The following AGBL4 variants were observed in gnomAD, a reference collection of about 807,000 sequenced individuals.
The protein encoded by AGBL4 is AGBL carboxypeptidase 4, also known as cytosolic carboxypeptidase 6.
A neutral mutation model predicts 66.4 loss-of-function variants in AGBL4; 58 were observed. The ratio of observed to expected loss-of-function variants is 0.87; its 90% CI spans 0.71 to 1.09. The LOEUF (loss-of-function observed/expected upper bound fraction) is 1.09. AGBL4 is among the 50% of genes least tolerant of loss of function. AGBL4 has a pLI of 0.00. For synonymous variants in AGBL4, 234 were observed against 222.9 expected (o/e 1.05, Z -0.44); for missense variants, 579 against 631.0 (o/e 0.92, Z 0.88).
chr1:48,661,268 G>T (rs1646103030), intron 7 of AGBL4, among the ~76,000 whole-genome samples: 1 of 152,214 alleles, frequency 6.6e-6, no homozygotes. Context: ...CACAGTGGGG[G>T]CACTCACAAT....
chr1:49,872,013 G>C (rs1398480876), intron 1 of AGBL4, among the ~76,000 whole-genome samples: 3 of 152,202 alleles, frequency 2.0e-5, no homozygotes, highest in South Asian at 2.1e-4. Context: ...ATGAAGAGCT[G>C]ATGCATTCAT....
At chr1:49,644,783 T>C (rs950214253) in intron 3 of AGBL4, among the ~76,000 whole-genome samples, 2 of 151,534 alleles carry the variant, frequency 1.3e-5, no homozygotes, top group African/African-American at 2.4e-5. Flanking sequence ...TTGACATTTA[T>C]AGAGCACTTG....
At chr1:49,868,333 A>C (rs1646756512) in intron 1 of AGBL4, among the ~76,000 whole-genome samples, 1 of 152,176 alleles carries the variant, frequency 6.6e-6, no homozygotes, top group Non-Finnish European at 1.5e-5. Flanking sequence ...AATCCTAAGC[A>C]AAGAAAACAA....
At chr1:49,587,402 A>G (rs1056892618) in intron 3 of AGBL4, among the ~76,000 whole-genome samples, 3 of 152,238 alleles carry the variant, frequency 2.0e-5, no homozygotes, top group East Asian at 1.9e-4. Context: ...CTGTGTTCCC[A>G]TAGCTCATGC....
chr1:49,915,541 G>T (rs1651354660), intron 1 of AGBL4, among the ~76,000 whole-genome samples: 1 of 152,186 alleles, frequency 6.6e-6, no homozygotes, highest in Non-Finnish European at 1.5e-5. Flanking sequence ...TGGGGAAGGG[G>T]CACCCGCCAT....
intron 6 of AGBL4, among the ~76,000 whole-genome samples, chr1:48,689,730 G>A (rs1646598680): frequency 6.6e-6 from 1 of 152,264 alleles, no homozygotes; most frequent in East Asian, 1.9e-4. Flanking sequence ...GGGTGAAGAG[G>A]CTAGTCAGAT....
At chr1:49,149,545 A>C (rs976004512) in intron 4 of AGBL4, among the ~76,000 whole-genome samples, 34 of 152,330 alleles carry the variant, frequency 2.2e-4, no homozygotes, top group African/African-American at 8.2e-4. Context: ...ACATTGTTGG[A>C]AGATGTGTTA....
intron 3 of AGBL4, among the ~76,000 whole-genome samples, chr1:49,262,304 T>C (rs1409965730): frequency 6.6e-6 from 1 of 152,026 alleles, no homozygotes; most frequent in Admixed American, 6.6e-5. Flanking sequence ...AATTGACAAA[T>C]GGGATCTAAT....
chr1:48,648,318 T>C (rs139260351), intron 8 of AGBL4, among the ~76,000 whole-genome samples: 1 of 152,328 alleles, frequency 6.6e-6, no homozygotes, highest in Non-Finnish European at 1.5e-5. Context: ...ATACAGTCTT[T>C]GTCTTTTGAT....
At chr1:49,097,169 T>A (rs1323465083) in intron 4 of AGBL4, among the ~76,000 whole-genome samples, 4 of 152,210 alleles carry the variant, frequency 2.6e-5, no homozygotes, top group African/African-American at 9.7e-5. Flanking sequence ...TCTACTCCTG[T>A]ATACCCAACA....
intron 6 of AGBL4, among the ~76,000 whole-genome samples, chr1:48,849,131 A>G (rs1247192953): frequency 6.6e-6 from 1 of 152,234 alleles, no homozygotes; most frequent in East Asian, 1.9e-4. Context: ...TTCAGACTTC[A>G]GGCTGGTGGA....
At chr1:49,269,321 A>G (rs1644002119) in intron 3 of AGBL4, 1 of 152,178 alleles carries the variant, frequency 6.6e-6, no homozygotes, top group Admixed American at 6.6e-5. Context: ...GTGCTTTGTT[A>G]TTGAAAGAAA....
chr1:49,176,429 CCA>C (rs1268373176), intron 4 of AGBL4, among the ~76,000 whole-genome samples: 1 of 152,118 alleles, frequency 6.6e-6, no homozygotes, highest in African/African-American at 2.4e-5. Flanking sequence ...AACATACACA[CCA>C]CACTCCACGA....
rs180928866 is a variant in AGBL4, at chr1:49,618,427, G to A, written c.282+78886C>T. The stretch of plus-strand genomic sequence containing the variant: ...CCCAAGACTAAACCAGGAAGAAGTC[G>A]AATCCCTAAATAGACCAATAACAAA... On this transcript the variant is annotated intron_variant, in intron 3 of 13. Coordinates refer to ENST00000371839, the MANE Select transcript of AGBL4 (RefSeq NM_032785.4). Among the ~76,000 whole-genome samples, 30 of 132,434 alleles carry A rather than the reference G, an allele frequency of 2.3e-4. 1 individual carries two copies. Among genetic ancestry groups the A allele is most frequent in the Admixed American group, 2.1e-3 (27 of 12,832 alleles). 86.9% of individuals were successfully genotyped at this position (132,434 alleles called of 152,430 possible).
At chr1:49,212,286 C>G (rs1471445792) in intron 4 of AGBL4, among the ~76,000 whole-genome samples, 1 of 152,078 alleles carries the variant, frequency 6.6e-6, no homozygotes, top group Admixed American at 6.6e-5. Flanking sequence ...ACCCTGATCA[C>G]TAGACTAGAT....
chr1:48,661,877 G>A (rs1345758363), intron 7 of AGBL4, among the ~76,000 whole-genome samples: 1 of 152,174 alleles, frequency 6.6e-6, no homozygotes, highest in Non-Finnish European at 1.5e-5. Flanking sequence ...GCAAGTAAAG[G>A]GGTTGGTAAA....
At chr1:48,580,307 G>A (rs1010227085) in intron 11 of AGBL4, among the ~76,000 whole-genome samples, 1 of 152,232 alleles carries the variant, frequency 6.6e-6, no homozygotes, top group African/African-American at 2.4e-5. Flanking sequence ...TCTCATGAGA[G>A]TACTAGTCCC....
At chr1:49,186,191 T>C (rs963280716) in intron 4 of AGBL4, among the ~76,000 whole-genome samples, 4 of 152,174 alleles carry the variant, frequency 2.6e-5, no homozygotes, top group Non-Finnish European at 4.4e-5. Flanking sequence ...CCCCTATGCA[T>C]ACATATTTCT....
intron 4 of AGBL4, among the ~76,000 whole-genome samples, chr1:49,072,828 T>G (rs1251442552): frequency 2.0e-5 from 3 of 152,158 alleles, no homozygotes; most frequent in Non-Finnish European, 4.4e-5. Flanking sequence ...ATAATATCCA[T>G]AAGAGTGTTT....
Sources: allele counts gnomAD v4.1 joint callset (sites outside exome capture counted in the v4.1 genomes callset), GRCh38; gene constraint gnomAD v4.1.1; transcripts MANE v1.5; gene names NCBI Gene and HGNC (gene_info 2026-07-23, HGNC 2026-07-21).